AP4E1: variants seen among roughly 807,000 people sequenced by gnomAD.
AP4E1 encodes adaptor related protein complex 4 subunit epsilon 1, also known as AP-4 complex subunit epsilon-1.
AP4E1 carries 56 observed loss-of-function variants against 128.2 expected under a neutral mutation model. That is an observed-to-expected ratio of 0.44 (90% confidence interval 0.35 to 0.55). AP4E1 has a LOEUF of 0.55. AP4E1 is among the 20% of genes least tolerant of loss of function. The pLI, the probability that AP4E1 is intolerant of heterozygous loss-of-function variation, is 0.00. For synonymous variants in AP4E1, 484 were observed against 473.1 expected (o/e 1.02, Z -0.30); for missense variants, 1,324 against 1,307.7 (o/e 1.01, Z -0.19).
intron 16 of AP4E1, among the ~76,000 whole-genome samples, chr15:50,989,487 C>CTT (rs755088428): frequency 6.9e-6 from 1 of 145,356 alleles, no homozygotes; most frequent in African/African-American, 2.5e-5. Context: ...TTTTTCTTAT[C>CTT]TTTTTTTTTT....
chr15:50,931,965 T>C (rs2063841621), intron 7 of AP4E1, among the ~76,000 whole-genome samples: 1 of 151,988 alleles, frequency 6.6e-6, no homozygotes, highest in South Asian at 2.1e-4. Context: ...TATATATATA[T>C]ACTTTCAATT....
Position 50,925,025 on chromosome 15 carries a change from T to C in AP4E1, c.421-73T>C. Reference sequence around the variant, plus strand: ...CAAAATTACTAAGTATATAGGACCATTACAGTGTTGAATTTGCCATTCCTA... The same window carrying C: ...CAAAATTACTAAGTATATAGGACCACTACAGTGTTGAATTTGCCATTCCTA... On this transcript the variant is annotated intron_variant, in intron 4 of 20. Coordinates refer to ENST00000261842, the MANE Select transcript of AP4E1 (RefSeq NM_007347.5). 3 of 1,554,580 alleles carry C rather than the reference T, an allele frequency of 1.9e-6. No individual in the cohort carries two copies. In the East Asian group the frequency reaches 6.8e-5, roughly 35 times the overall value.
Position 51,002,656 on chromosome 15 carries a change from A to T in AP4E1, c.3408A>T (p.Gly1136=). ...LLYQCQKVME[G]S ...ATCAGTGTCAAAAGGTGATGGAGGG[A>T]TCCTAGCAGAAGCCCTGCTAAATTT... The change falls in exon 21 of 21, where the codon GGA becomes GGT. Residue 1136 remains glycine (G), a synonymous_variant. Transcript: ENST00000261842. 2 of 1,614,062 alleles carry T rather than the reference A, an allele frequency of 1.2e-6. No individual in the cohort carries two copies. Among genetic ancestry groups the T allele is most frequent in the Middle Eastern group, 1.7e-4 (1 of 6,058 alleles).
chr15:50,915,371 T>C, intron 2 of AP4E1, 77 bp from the exon 3 acceptor site: 6 of 1,468,442 alleles, frequency 4.1e-6, no homozygotes, highest in Non-Finnish European at 3.8e-6. Context: ...GATTCTCCTT[T>C]TAAATTATGA....
At chr15:50,982,751 G>A (rs1439321637) in intron 15 of AP4E1, among the ~76,000 whole-genome samples, 4 of 152,106 alleles carry the variant, frequency 2.6e-5, no homozygotes, top group Non-Finnish European at 4.4e-5. Context: ...TAACTAGCAA[G>A]CATTTATTTA....
intron 16 of AP4E1, among the ~76,000 whole-genome samples, chr15:50,990,277 A>AT (rs917079809): frequency 3.6e-4 from 54 of 150,748 alleles, no homozygotes; most frequent in Non-Finnish European, 6.3e-4. Context: ...TAAGAAGCAT[A>AT]TTTTTTATAT....
At position 50,997,505 on chromosome 15, in the gene AP4E1, A is replaced by C; in HGVS notation, c.2526A>C (p.Glu842Asp). Reference sequence around the variant, plus strand: ...CTTTGCACGATACAGGAGACAAGGAATTAAAGAAATTTTCTCTCACTTCAG... The same window carrying C: ...CTTTGCACGATACAGGAGACAAGGACTTAAAGAAATTTTCTCTCACTTCAG... The part of the protein sequence containing the change: ...SNTLHDTGDK[E>D]LKKFSLTSEL... The change falls in exon 18 of 21, where the codon GAA (glutamate) becomes GAC (aspartate). Residue 842 changes from glutamate (E) to aspartate (D), a missense_variant. Glu to Asp is a conservative substitution (Grantham distance 45). Coordinates refer to ENST00000261842, the MANE Select transcript of AP4E1 (RefSeq NM_007347.5). 6.2e-7 allele frequency: 1 copy of C among 1,614,100 alleles called. No individual in the cohort carries two copies.
intron 11 of AP4E1, 96 bp from the exon 12 acceptor site, chr15:50,949,730 A>T (rs1486975733): frequency 1.4e-5 from 13 of 937,392 alleles, no homozygotes; most frequent in Non-Finnish European, 2.2e-5. Flanking sequence ...CTGCCATACT[A>T]GGATGAATTG....
intron 10 of AP4E1, chr15:50,945,857 C>T: frequency 1.2e-6 from 1 of 837,370 alleles, no homozygotes; most frequent in Admixed American, 1.9e-5. Flanking sequence ...CTACCAAAAT[C>T]TATCTACAGC....
intron 5 of AP4E1, 91 bp from the exon 6 acceptor site, chr15:50,928,918 C>G: frequency 8.5e-7 from 1 of 1,182,436 alleles, no homozygotes; most frequent in East Asian, 2.5e-5. Flanking sequence ...GGTAATGAGC[C>G]AGTATTTTGA....
rs1353886406 is a variant in AP4E1 at position 50,999,112 on chromosome 15, C to T, written c.2945C>T (p.Ala982Val). The T allele has an allele frequency of 1.2e-6, 2 of 1,614,010 alleles. No individual in the cohort carries two copies. Among genetic ancestry groups the T allele is most frequent in the South Asian group, 1.1e-5 (1 of 91,082 alleles). ...GGATGCTGTTTGCCTGTAATGGAAG[C>T]AGAAAGCACCAAAAGCTTTCAATAT... Reference protein sequence around the residue: ...QPGCCLPVMEAESTKSFQYSV... With the variant: ...QPGCCLPVMEVESTKSFQYSV... The change falls in exon 19 of 21, where the codon GCA (alanine) becomes GTA (valine). Residue 982 changes from alanine (A) to valine (V), a missense_variant. Transcript: ENST00000261842.
upstream of AP4E1, chr15:50,908,580 C>T: frequency 1.6e-6 from 1 of 616,686 alleles, no homozygotes; most frequent in Non-Finnish European, 2.5e-6. Flanking sequence ...GCGGCCTTTT[C>T]CACCCCCGCG....
chr15:50,953,740 G>A (rs2064181783), intron 13 of AP4E1, among the ~76,000 whole-genome samples: 1 of 152,222 alleles, frequency 6.6e-6, no homozygotes, highest in Non-Finnish European at 1.5e-5. Context: ...AAGTGAAAAG[G>A]TGAAAGTTCT....
In AP4E1 at chr15:50,941,680, A is replaced by G. The variant is rs944413129; in HGVS notation, c.1081A>G (p.Thr361Ala). 9 of 1,613,428 alleles carry G rather than the reference A, an allele frequency of 5.6e-6. No homozygotes were observed. In the African/African-American group the frequency reaches 9.3e-5, roughly 17 times the overall value. ...NLKYLGLKALTYVIQQDPTLA... is the reference protein window; with the variant it reads ...NLKYLGLKALAYVIQQDPTLA... ...TTTGTTTCTAGGACTGAAGGCTCTT[A>G]CCTATGTTATCCAACAGGATCCTAC... Residue 361 changes from threonine (T) to alanine (A), a missense_variant, in exon 10 of 21, where the codon ACC (threonine) becomes GCC (alanine). Coordinates refer to ENST00000261842, the MANE Select transcript of AP4E1 (RefSeq NM_007347.5).
chr15:50,984,036 C>G lies in AP4E1; in HGVS notation c.1981C>G (p.Pro661Ala). The G allele has an allele frequency of 1.2e-6, 2 of 1,612,908 alleles. No homozygotes were observed. Among genetic ancestry groups the G allele is most frequent in the South Asian group, 2.2e-5 (2 of 91,050 alleles). ...LSQEKVLNFE[P>A]YGLSFSSSGF... ...TAAAATTCTAGTTCTCAATTTTGAA[C>G]CATATGGACTCTCCTTTTCTTCATC... Residue 661 changes from proline (P) to alanine (A), a missense_variant, in exon 16 of 21, where the codon CCA (proline) becomes GCA (alanine). Transcript: ENST00000261842.
intron 20 of AP4E1, 124 bp downstream of exon 20, chr15:51,001,307 G>A: frequency 1.1e-6 from 1 of 893,336 alleles, no homozygotes. Flanking sequence ...CTGTCTTTCA[G>A]ATGAATGTGT....
rs182436198 is a variant in AP4E1 at position 50,999,243 on chromosome 15, T to C, written c.3076T>C (p.Ser1026Pro). Reference protein sequence around the residue: ...SAQLEFSVNLSLLDFIRPLKI... With the variant: ...SAQLEFSVNLPLLDFIRPLKI... ...TCAGCTGGAATTTTCTGTAAACTTA[T>C]CACTATTAGATTTCATTAGGTAAAT... The change falls in exon 19 of 21, where the codon TCA becomes CCA. Residue 1026 changes from serine to proline, a missense_variant. Coordinates refer to ENST00000261842, the MANE Select transcript of AP4E1 (RefSeq NM_007347.5). The C allele has an allele frequency of 5.6e-6, 9 of 1,611,584 alleles. No individual in the cohort carries two copies. The highest frequency in any genetic ancestry group is 1.8e-4 in the Middle Eastern group (1 of 5,548).
chr15:50,964,365 C>A (rs2064359437), intron 14 of AP4E1, among the ~76,000 whole-genome samples: 1 of 151,432 alleles, frequency 6.6e-6, no homozygotes, highest in Admixed American at 6.6e-5. Context: ...TCATTCAGAT[C>A]ATGAATTGTT....
intron 5 of AP4E1, among the ~76,000 whole-genome samples, chr15:50,927,408 C>T (rs1443849171): frequency 6.6e-6 from 1 of 152,046 alleles, no homozygotes; most frequent in Non-Finnish European, 1.5e-5. Flanking sequence ...CTTTTGAATC[C>T]CTGGTTGTAT....
Sources: allele counts gnomAD v4.1 joint callset (sites outside exome capture counted in the v4.1 genomes callset), GRCh38; gene constraint gnomAD v4.1.1; transcripts MANE v1.5; gene names NCBI Gene and HGNC (gene_info 2026-07-23, HGNC 2026-07-21).